AUTS2: variants seen among roughly 807,000 people sequenced by gnomAD.
AUTS2 encodes activator of transcription and developmental regulator AUTS2, also known as autism susceptibility gene 2 protein.
A neutral mutation model predicts 112.4 loss-of-function variants in AUTS2; 17 were observed. The ratio of observed to expected loss-of-function variants is 0.15; its 90% CI spans 0.10 to 0.23. The LOEUF (loss-of-function observed/expected upper bound fraction) is 0.23, where lower values mean the gene tolerates loss of function less well. Among genes scored for constraint, AUTS2 ranks in the 10% least tolerant of loss-of-function variants. The pLI is 1.00. For synonymous variants in AUTS2, 751 were observed against 702.7 expected (o/e 1.07, Z -1.09); for missense variants, 1,510 against 1,701.6 (o/e 0.89, Z 1.98).
chr7:70,641,035 G>A (rs1340507552), intron 5 of AUTS2, among the ~76,000 whole-genome samples: 1 of 152,060 alleles, frequency 6.6e-6, no homozygotes, highest in Non-Finnish European at 1.5e-5. Context: ...TCTCTCATTG[G>A]TCTAATCCCT....
intron 5 of AUTS2, among the ~76,000 whole-genome samples, chr7:70,640,479 T>C (rs1432207811): frequency 6.9e-6 from 1 of 145,300 alleles, no homozygotes; most frequent in Non-Finnish European, 1.5e-5. Context: ...GGGACTGGCA[T>C]GCTAGGCTAA....
chr7:69,599,736 G>C lies in AUTS2; in HGVS notation c.83G>C (p.Gly28Ala). The stretch of plus-strand genomic sequence containing the variant: ...CGAGACCGGGAGAGGCGCTCCCGGG[G>C]CGGGCTGGGGGCCGGCGCGGCCGGC... Reference protein sequence around the residue: ...SQRDRERRSRGGLGAGAAGGG... With the variant: ...SQRDRERRSRAGLGAGAAGGG... The change falls in exon 1 of 19, where the codon GGC (glycine) becomes GCC (alanine). Residue 28 changes from glycine (G) to alanine (A), a missense_variant. This residue lies in a region of AUTS2 where 535 missense variants were observed against 594.3 expected (regional missense o/e 0.90). Coordinates refer to ENST00000342771, the MANE Select transcript of AUTS2 (RefSeq NM_015570.4). The surrounding 1 kb of genome is among the most constrained non-coding windows in gnomAD (Gnocchi z 7.0). 1 of 1,326,090 alleles carries C rather than the reference G, an allele frequency of 7.5e-7. No individual in the cohort carries two copies. The highest frequency in any genetic ancestry group is 9.6e-7 in the Non-Finnish European group (1 of 1,043,536). 82.1% of individuals were successfully genotyped at this position (1,326,090 alleles called of 1,614,324 possible).
At chr7:69,691,384 G>A (rs745713823) in intron 1 of AUTS2, among the ~76,000 whole-genome samples, 3 of 151,988 alleles carry the variant, frequency 2.0e-5, no homozygotes, top group African/African-American at 7.3e-5. Context: ...GCAGAGAGGG[G>A]TGTCTGCAGA....
chr7:69,849,422 A>G (rs1013116948), intron 1 of AUTS2, among the ~76,000 whole-genome samples: 1 of 152,140 alleles, frequency 6.6e-6, no homozygotes. Flanking sequence ...TGACATGTGT[A>G]CATTATGTAA....
intron 2 of AUTS2, among the ~76,000 whole-genome samples, chr7:70,072,849 C>T (rs559485608): frequency 2.2e-4 from 33 of 152,236 alleles, no homozygotes; most frequent in Admixed American, 3.9e-4. Context: ...AATATCATTA[C>T]CCCCATTTCA....
rs942029855 is a variant in AUTS2, at chr7:70,311,913, A to C, written c.661-123839A>C. On this transcript the variant is annotated intron_variant, in intron 4 of 18. Transcript: ENST00000342771. ...GTATTTTTAGTAGAGACGGGGTTTC[A>C]CCGTGTTAGCCAGGATGGTCTTGAT... is the stretch of plus-strand genomic sequence containing the variant. Among the ~76,000 whole-genome samples the C allele has an allele frequency of 2.6e-5, 4 of 152,262 alleles. No homozygotes were observed. In the East Asian group the frequency reaches 7.7e-4, roughly 29 times the overall value.
At chr7:70,369,387 C>T (rs1019579123) in intron 4 of AUTS2, among the ~76,000 whole-genome samples, 21 of 152,132 alleles carry the variant, frequency 1.4e-4, no homozygotes, top group African/African-American at 5.1e-4. Context: ...AGGGTTGTTT[C>T]ATATATGTCT....
chr7:70,104,756 A>G (rs539899448), intron 2 of AUTS2, among the ~76,000 whole-genome samples: 2 of 152,328 alleles, frequency 1.3e-5, no homozygotes, highest in South Asian at 2.1e-4. Flanking sequence ...AAATAATTTT[A>G]AAGCACACCA....
chr7:70,325,691 A>G (rs987082970), intron 4 of AUTS2, among the ~76,000 whole-genome samples: 2 of 152,210 alleles, frequency 1.3e-5, no homozygotes, highest in Non-Finnish European at 2.9e-5. Context: ...TAGAAATCAT[A>G]GTCCTGGATG....
intron 1 of AUTS2, among the ~76,000 whole-genome samples, chr7:69,853,657 T>C (rs181719975): frequency 6.6e-6 from 1 of 152,256 alleles, no homozygotes; most frequent in Non-Finnish European, 1.5e-5. Context: ...CTCATCACTT[T>C]GAAGTTCCTT....
chr7:70,484,099 C>A lies in AUTS2; in HGVS notation c.690+48318C>A, dbSNP rs989564126. Among the ~76,000 whole-genome samples the A allele has an allele frequency of 2.0e-5, 3 of 152,186 alleles. No homozygotes were observed. In the South Asian group the frequency reaches 6.2e-4, roughly 32 times the overall value. On this transcript the variant is annotated intron_variant, in intron 5 of 18. Transcript: ENST00000342771. ...AATCAAAGCCTGAATTGTCACTTATCTCCTAATGATACTTCTACACAGATT... is the reference window on the plus strand; with the variant it reads ...AATCAAAGCCTGAATTGTCACTTATATCCTAATGATACTTCTACACAGATT...
chr7:70,378,055 C>T lies in AUTS2; in HGVS notation c.661-57697C>T, dbSNP rs138251876. ...CCTCCCAAAGTGCTGGTATTACAGG[C>T]GTGAGCCACCGCGCCCGGCCAGCAT... On this transcript the variant is annotated intron_variant, in intron 4 of 18. Transcript: ENST00000342771. Among the ~76,000 whole-genome samples, 540 of 152,100 alleles carry T rather than the reference C, an allele frequency of 3.6e-3. 3 individuals are homozygous for T. The highest frequency in any genetic ancestry group is 0.01 in the African/African-American group (431 of 41,484).
At chr7:69,628,729 T>A (rs1794079593) in intron 1 of AUTS2, among the ~76,000 whole-genome samples, 1 of 152,114 alleles carries the variant, frequency 6.6e-6, no homozygotes, top group Admixed American at 6.5e-5. Context: ...GAGAACTCTT[T>A]CACGAGAACA....
intron 1 of AUTS2, among the ~76,000 whole-genome samples, chr7:69,644,584 C>T (rs1188611351): frequency 6.6e-6 from 1 of 151,824 alleles, no homozygotes; most frequent in Non-Finnish European, 1.5e-5. Flanking sequence ...CAGTAGCCTT[C>T]CCCTAGTTTT....
intron 5 of AUTS2, among the ~76,000 whole-genome samples, chr7:70,449,657 A>G (rs1034813785): frequency 3.3e-5 from 5 of 152,214 alleles, no homozygotes; most frequent in Admixed American, 6.5e-5. Context: ...TTGACACTTT[A>G]TAGTGATCAC....
At chr7:70,680,059 A>T (rs1808128117) in intron 5 of AUTS2, among the ~76,000 whole-genome samples, 1 of 152,208 alleles carries the variant, frequency 6.6e-6, no homozygotes, top group Non-Finnish European at 1.5e-5. Flanking sequence ...TTAAATGCAG[A>T]CCATAGCATA....
chr7:69,727,895 C>T (rs1293380763), intron 1 of AUTS2, among the ~76,000 whole-genome samples: 1 of 152,138 alleles, frequency 6.6e-6, no homozygotes, highest in Admixed American at 6.5e-5. Flanking sequence ...TACAAAATCC[C>T]TTGATACCCA....
chr7:70,714,930 T>C (rs1563147077), intron 6 of AUTS2, among the ~76,000 whole-genome samples: 2 of 152,230 alleles, frequency 1.3e-5, no homozygotes, highest in Admixed American at 6.5e-5. Context: ...ACCTGATACT[T>C]GCATTGGCAT....
intron 5 of AUTS2, among the ~76,000 whole-genome samples, chr7:70,458,169 C>T (rs962721845): frequency 1.1e-4 from 16 of 152,160 alleles, no homozygotes; most frequent in African/African-American, 3.1e-4. Flanking sequence ...AGGAGGCTGC[C>T]GGCTCAGCCT....
Sources: allele counts gnomAD v4.1 joint callset (sites outside exome capture counted in the v4.1 genomes callset), GRCh38; gene constraint gnomAD v4.1.1; regional missense constraint gnomAD v4.1.1; non-coding constraint Gnocchi (gnomAD v3.1); transcripts MANE v1.5; gene names NCBI Gene and HGNC (gene_info 2026-07-23, HGNC 2026-07-21).